Variants in SCN3A observed in about 807,000 individuals in gnomAD.
The protein encoded by SCN3A is sodium channel protein type 3 subunit alpha.
Under a neutral mutation model 187.6 loss-of-function variants are expected in SCN3A, and 60 were observed. That is an observed-to-expected ratio of 0.32 (90% CI 0.26 to 0.40). The LOEUF (loss-of-function observed/expected upper bound fraction) is 0.40, where lower values mean the gene tolerates loss of function less well. SCN3A is among the 10% of genes least tolerant of loss of function. The probability of loss-of-function intolerance (pLI) is 1.00; values close to 1 mark genes in which losing one functional copy is unlikely to be tolerated. For synonymous variants in SCN3A, 788 were observed against 829.2 expected (o/e 0.95, Z 0.85); for missense variants, 1,601 against 2,428.2 (o/e 0.66, Z 7.16).
chr2:165,195,240 A>G (rs1429553313), intron 1 of SCN3A: 1 of 152,248 alleles, frequency 6.6e-6, no homozygotes, highest in African/African-American at 2.4e-5. Flanking sequence ...AATCCTGAGG[A>G]GAAACCTAAG....
rs1687304615 is a variant in SCN3A at position 165,131,371 on chromosome 2, G to T, written c.2438C>A (p.Ala813Asp). 1 of 1,606,042 alleles carries T rather than the reference G, an allele frequency of 6.2e-7. No homozygotes were observed. Among genetic ancestry groups the T allele is most frequent in the Admixed American group, 1.7e-5 (1 of 59,422 alleles). Residue 813 changes from alanine (A) to aspartate (D), a missense_variant, in exon 16 of 28, where the codon GCC (alanine) becomes GAC (aspartate). Ala to Asp is a moderately radical substitution (Grantham distance 126). Around this residue, in one of 11 missense-constraint regions of SCN3A, gnomAD observed 376 missense variants for 476.0 expected, o/e 0.79. Transcript: ENST00000283254. ...TTGGAAATAGTAATAAGGATCCATG[G>T]CAATGATCTTGAGAACCATTTCTGC... ...FTAEMVLKII[A>D]MDPYYYFQEG...
At position 165,160,624 on chromosome 2, in the gene SCN3A, CT is replaced by C. The variant is rs544155425; in HGVS notation, c.1031+1683del. Among the ~76,000 whole-genome samples, 742 of 150,872 alleles carry C rather than the reference CT, an allele frequency of 4.9e-3. 7 individuals carry two copies. The highest frequency in any genetic ancestry group is 0.017 in the African/African-American group (693 of 41,112). ...AATTCTTTTCTTTTTTTAGAGTGTG[CT>C]TTTTTTTTAAATTTATTAAAAAAAT... On this transcript the variant is annotated intron_variant, in intron 9 of 27. Coordinates refer to ENST00000283254, the MANE Select transcript of SCN3A (RefSeq NM_006922.4).
chr2:165,195,298 G>A (rs1203011359), intron 1 of SCN3A: 1 of 152,174 alleles, frequency 6.6e-6, no homozygotes, highest in Non-Finnish European at 1.5e-5. Context: ...CCTGCCGTGT[G>A]CCAGGTGTGC....
chr2:165,203,905 A>C lies in SCN3A; in HGVS notation c.-330T>G, dbSNP rs1168338376. On this transcript the variant is annotated 5_prime_UTR_variant, in exon 1 of 28. Transcript: ENST00000283254. ...TAGGGTATAACGTGTCTTCCTCTGC[A>C]GCTGTTCAGCTTTTTTTTTTTTTTT... 6.9e-6 allele frequency: 1 copy of C among 145,180 alleles called. No homozygotes were observed. Among genetic ancestry groups the C allele is most frequent in the Non-Finnish European group, 1.5e-5 (1 of 66,938 alleles). 9.0% of individuals were successfully genotyped at this position (145,180 alleles called of 1,614,324 possible). A position where few individuals can be genotyped will look rare whatever the true frequency, so the allele number is the denominator to read the frequency against.
chr2:165,142,260 G>GA (rs1688054967), intron 12 of SCN3A, among the ~76,000 whole-genome samples: 2 of 152,058 alleles, frequency 1.3e-5, no homozygotes, highest in Non-Finnish European at 2.9e-5. Flanking sequence ...GATTTTAGTG[G>GA]AAAAAACAGA....
Position 165,153,987 on chromosome 2 carries a change from A to ATTTTTTTTTTTTTTT in SCN3A, c.1380+450_1380+464dup, listed in dbSNP as rs71393659. 1.7e-3 allele frequency among the ~76,000 whole-genome samples: 156 copies of ATTTTTTTTTTTTTTT among 92,764 alleles called. 16 individuals are homozygous for ATTTTTTTTTTTTTTT. Among genetic ancestry groups the ATTTTTTTTTTTTTTT allele is most frequent in the African/African-American group, 6.9e-3 (146 of 21,276 alleles). The allele number at this position is 92,764 out of a possible 152,430, so 60.9% of individuals were successfully genotyped here. A position where few individuals can be genotyped will look rare whatever the true frequency, so the allele number is the denominator to read the frequency against. On this transcript the variant is annotated intron_variant, in intron 11 of 27. Transcript: ENST00000283254. ...TATCCTGATGTGGGCTATAGCAAACATTTTTTTTTTTTTTTTTTTTTGCTA... is the reference window on the plus strand; with the variant it reads ...TATCCTGATGTGGGCTATAGCAAACATTTTTTTTTTTTTTTTTTTTTTTTTTTTTTTTTTTTGCTA...
rs1686065020 is a variant in SCN3A, at chr2:165,110,544, G to GAT, written c.3843+2339_3843+2340dup. ...TCTGTGACTTTAATTTTGTTACAGT[G>GAT]ATATACCCTATGAACTTTAAACTCT... On this transcript the variant is annotated intron_variant, in intron 21 of 27. Transcript: ENST00000283254. 2.0e-5 allele frequency among the ~76,000 whole-genome samples: 3 copies of GAT among 152,252 alleles called. No homozygotes were observed. In the South Asian group the frequency reaches 6.2e-4, roughly 32 times the overall value.
intron 17 of SCN3A, among the ~76,000 whole-genome samples, chr2:165,129,127 G>A (rs568881293): frequency 6.6e-6 from 1 of 152,230 alleles, no homozygotes; most frequent in South Asian, 2.1e-4. Context: ...AGGTATCCCA[G>A]TAGCATTCTT....
rs2105762443 is a variant in SCN3A at position 165,127,796 on chromosome 2, A to G, written c.3228T>C (p.Thr1076=). The G allele has an allele frequency of 6.2e-7, 1 of 1,614,210 alleles. No homozygotes were observed. The highest frequency in any genetic ancestry group is 8.5e-7 in the Non-Finnish European group (1 of 1,180,038). The change falls in exon 18 of 28, where the codon ACT becomes ACC. Residue 1076 remains threonine, a synonymous_variant. Coordinates refer to ENST00000283254, the MANE Select transcript of SCN3A (RefSeq NM_006922.4). ...DGNGTTSGVG[T]GSSVEKYVID... ...TTACGTATTTTTCAACACTGCTTCC[A>G]GTACCTACACCACTGGTGGTTCCAT...
chr2:165,184,319 A>C (rs866517618), intron 2 of SCN3A, among the ~76,000 whole-genome samples: 35 of 152,074 alleles, frequency 2.3e-4, no homozygotes, highest in African/African-American at 8.4e-4. Context: ...AATGATTACT[A>C]TATCTCAGAC....
At chr2:165,167,099 C>T (rs1412456313) in intron 5 of SCN3A, among the ~76,000 whole-genome samples, 1 of 152,040 alleles carries the variant, frequency 6.6e-6, no homozygotes, top group East Asian at 1.9e-4. Context: ...TGGGGTTTCA[C>T]CATGTTGGCC....
At chr2:165,183,621 G>T (rs749863409) in intron 2 of SCN3A, among the ~76,000 whole-genome samples, 1 of 152,142 alleles carries the variant, frequency 6.6e-6, no homozygotes, top group Non-Finnish European at 1.5e-5. Context: ...CATTAGTCAT[G>T]GCCTATGGGT....
At chr2:165,119,663 G>A (rs967950577) in intron 18 of SCN3A, 7 of 152,042 alleles carry the variant, frequency 4.6e-5, no homozygotes, top group African/African-American at 1.7e-4. Context: ...TCTTATTATA[G>A]CCATAACCAA....
At chr2:165,154,747 C>A (rs1688913127) in intron 10 of SCN3A, 89 bp from the exon 11 acceptor site, 3 of 1,291,130 alleles carry the variant, frequency 2.3e-6, no homozygotes, top group Non-Finnish European at 3.3e-6. Context: ...AGTCAGTAGA[C>A]TAATTAGCTT....
Position 165,129,213 on chromosome 2 carries a change from G to A in SCN3A, c.2922+727C>T, listed in dbSNP as rs571427913. ...TGGCATAAAGAAATGCTTTGCCCACGCATGACTGAGAAATTTAAGCATTAA... is the reference window on the plus strand; with the variant it reads ...TGGCATAAAGAAATGCTTTGCCCACACATGACTGAGAAATTTAAGCATTAA... On this transcript the variant is annotated intron_variant, in intron 17 of 27. Coordinates refer to ENST00000283254, the MANE Select transcript of SCN3A (RefSeq NM_006922.4). Among the ~76,000 whole-genome samples the A allele has an allele frequency of 9.9e-5, 15 of 152,256 alleles. No homozygotes were observed. The East Asian group carries it at 1.5e-3, about 16-fold the overall frequency.
At chr2:165,095,384 A>G in intron 25 of SCN3A, 127 bp downstream of exon 25, 1 of 982,638 alleles carries the variant, frequency 1.0e-6, no homozygotes. Flanking sequence ...TTAAATAACC[A>G]CATGGGCAAC....
At position 165,142,343 on chromosome 2, in the gene SCN3A, A is replaced by G. The variant is rs150836131; in HGVS notation, c.1672-1345T>C. On this transcript the variant is annotated intron_variant, in intron 12 of 27. Transcript: ENST00000283254. The stretch of plus-strand genomic sequence containing the variant: ...GTCATGCTGATTTTCTTAGGCCCCA[A>G]TTTTTAGCTTTATTTTCATGGCTTT... Among the ~76,000 whole-genome samples, 31 of 152,238 alleles carry G rather than the reference A, an allele frequency of 2.0e-4. No individual in the cohort carries two copies. In the East Asian group the frequency reaches 5.0e-3, roughly 25 times the overall value.
At chr2:165,150,936 T>TTA (rs1688652367) in intron 11 of SCN3A, among the ~76,000 whole-genome samples, 1 of 152,200 alleles carries the variant, frequency 6.6e-6, no homozygotes, top group African/African-American at 2.4e-5. Flanking sequence ...TATTTTTATT[T>TTA]TATTATATTA....
intron 1 of SCN3A, among the ~76,000 whole-genome samples, chr2:165,199,098 A>C (rs980654746): frequency 3.9e-5 from 6 of 152,050 alleles, no homozygotes; most frequent in African/African-American, 1.4e-4. Flanking sequence ...TGTACAACCA[A>C]AGTAAGAATA....
Sources: gnomAD v4.1 joint callset for allele counts (sites outside exome capture counted in the v4.1 genomes callset) on GRCh38, gnomAD v4.1.1 for gene constraint, gnomAD v4.1.1 regional missense constraint, MANE v1.5 for transcripts, NCBI Gene and HGNC (gene_info 2026-07-23, HGNC 2026-07-21) for gene names.